Variants in SLC24A3 observed in about 807,000 individuals in gnomAD.
SLC24A3 encodes solute carrier family 24 member 3.
In SLC24A3, 28 loss-of-function variants were observed where a neutral mutation model predicts 75.8. That is an observed-to-expected ratio of 0.37 (90% CI 0.27 to 0.51). The LOEUF is 0.51. Among genes scored for constraint, SLC24A3 ranks in the 20% least tolerant of loss-of-function variants. The pLI is 0.94. For missense variants in SLC24A3, 663 were observed against 847.8 expected (o/e 0.78, Z 2.71); for synonymous variants, 372 against 334.1 (o/e 1.11, Z -1.24).
chr20:19,719,586 G>A (rs1221806977), intron 16 of SLC24A3, among the ~76,000 whole-genome samples: 1 of 152,140 alleles, frequency 6.6e-6, no homozygotes, highest in Non-Finnish European at 1.5e-5. Flanking sequence ...GAGGTGTGAA[G>A]TAGCCGTCTG....
At chr20:19,393,003 C>G (rs1986392313) in intron 2 of SLC24A3, among the ~76,000 whole-genome samples, 1 of 152,152 alleles carries the variant, frequency 6.6e-6, no homozygotes, top group South Asian at 2.1e-4. Flanking sequence ...TCTCTTATCT[C>G]TGATCACACC....
intron 1 of SLC24A3, among the ~76,000 whole-genome samples, chr20:19,250,738 C>T (rs1982629092): frequency 6.6e-6 from 1 of 152,168 alleles, no homozygotes; most frequent in East Asian, 1.9e-4. Context: ...AAATCCAAAA[C>T]ACTTTTTATA....
chr20:19,271,123 G>A (rs1273330427), intron 1 of SLC24A3, among the ~76,000 whole-genome samples: 2 of 152,128 alleles, frequency 1.3e-5, no homozygotes, highest in Non-Finnish European at 2.9e-5. Flanking sequence ...CCACATTTAC[G>A]TTATTTAGTA....
intron 3 of SLC24A3, among the ~76,000 whole-genome samples, chr20:19,569,694 A>G (rs911093111): frequency 1.3e-5 from 2 of 151,894 alleles, no homozygotes; most frequent in Non-Finnish European, 2.9e-5. Context: ...CTGGCTCTCC[A>G]GGGTCTGGCG....
intron 3 of SLC24A3, among the ~76,000 whole-genome samples, chr20:19,546,074 G>A (rs528633337): frequency 1.3e-5 from 2 of 149,180 alleles, no homozygotes; most frequent in South Asian, 2.1e-4. Context: ...TAGGAAAATG[G>A]CGTGAACCCG....
chr20:19,332,623 G>A (rs1985026432), intron 2 of SLC24A3, among the ~76,000 whole-genome samples: 1 of 152,116 alleles, frequency 6.6e-6, no homozygotes, highest in Admixed American at 6.5e-5. Flanking sequence ...CACTGGGGAA[G>A]AATAAATAGA....
rs116901610 is a variant in SLC24A3 at position 19,487,168 on chromosome 20, G to A, written c.272-28320G>A. On this transcript the variant is annotated intron_variant, in intron 2 of 16. Transcript: ENST00000328041. ...TGACTCTTCTTTAGCGTCTCCCATA[G>A]AGCTGAGTGCTCAGAACACAGGAGA... is the stretch of plus-strand genomic sequence containing the variant. Among the ~76,000 whole-genome samples, 133 of 152,300 alleles carry A rather than the reference G, an allele frequency of 8.7e-4. 1 individual carries two copies. In the East Asian group the frequency reaches 0.022, roughly 25 times the overall value.
Position 19,212,931 on chromosome 20 carries a change from TG to T in SLC24A3, c.91del (p.Ala31ProfsTer25). The part of the protein sequence containing the change: ...RDLLLSQLCF[L>X]ASVALLLWSL... The stretch of plus-strand genomic sequence containing the variant: ...CTTCTGCTGAGCCAGCTCTGCTTCC[TG>T]GCCTCGGTGGCGCTGCTGCTCTGGT... On this transcript the variant is annotated frameshift_variant, in exon 1 of 17. Coordinates refer to ENST00000328041, the MANE Select transcript of SLC24A3 (RefSeq NM_020689.4). LOFTEE classifies it high-confidence loss of function. 7.4e-7 allele frequency: 1 copy of T among 1,348,166 alleles called. No homozygotes were observed. Among genetic ancestry groups the T allele is most frequent in the Non-Finnish European group, 9.5e-7 (1 of 1,047,686 alleles). The allele number at this position is 1,348,166 out of a possible 1,614,324, so 83.5% of individuals were successfully genotyped here.
In SLC24A3 at chr20:19,276,124, C is replaced by T. The variant is rs530810354; in HGVS notation, c.143-4835C>T. Among the ~76,000 whole-genome samples the T allele has an allele frequency of 2.6e-5, 4 of 152,266 alleles. No homozygotes were observed. In the South Asian group the frequency reaches 6.2e-4, roughly 24 times the overall value. ...CAGGGAGGATAGCCAGTGTGGGCGC[C>T]TCTCCGTATCCCCTTCACCTTCCCA... On this transcript the variant is annotated intron_variant, in intron 1 of 16. Transcript: ENST00000328041.
chr20:19,235,583 T>A (rs1303601795), intron 1 of SLC24A3, among the ~76,000 whole-genome samples: 1 of 152,156 alleles, frequency 6.6e-6, no homozygotes. Context: ...TGGCTCCTCA[T>A]CTGGACTGTC....
intron 2 of SLC24A3, among the ~76,000 whole-genome samples, chr20:19,330,989 A>G (rs1429444238): frequency 6.6e-6 from 1 of 152,194 alleles, no homozygotes; most frequent in East Asian, 1.9e-4. Context: ...CTATTGAAGC[A>G]AGGGACTGTG....
At chr20:19,230,261 A>T (rs1057251888) in intron 1 of SLC24A3, among the ~76,000 whole-genome samples, 1 of 152,120 alleles carries the variant, frequency 6.6e-6, no homozygotes, top group Admixed American at 6.5e-5. Flanking sequence ...CTTATGCTGA[A>T]GGGGTGGTTG....
intron 1 of SLC24A3, among the ~76,000 whole-genome samples, chr20:19,275,511 G>A (rs984065551): frequency 3.9e-5 from 6 of 152,146 alleles, no homozygotes; most frequent in Non-Finnish European, 8.8e-5. Context: ...AAGCCCTGTG[G>A]GACAAGGTTC....
At chr20:19,556,132 T>C (rs939828161) in intron 3 of SLC24A3, among the ~76,000 whole-genome samples, 4 of 152,068 alleles carry the variant, frequency 2.6e-5, no homozygotes, top group African/African-American at 9.7e-5. Context: ...GGGTCTTCCC[T>C]CATGACCTAA....
chr20:19,432,275 TATA>T (rs1987117562), intron 2 of SLC24A3, among the ~76,000 whole-genome samples: 2 of 40,212 alleles, frequency 5.0e-5, no homozygotes, highest in African/African-American at 5.5e-4. Context: ...ATCTGTTTTA[TATA>T]TATATATATA....
intron 6 of SLC24A3, among the ~76,000 whole-genome samples, chr20:19,651,089 G>A (rs139934474): frequency 7.2e-5 from 11 of 152,100 alleles, no homozygotes; most frequent in African/African-American, 2.4e-4. Flanking sequence ...GATTCTGGTT[G>A]CTTGGTATTA....
intron 1 of SLC24A3, among the ~76,000 whole-genome samples, chr20:19,250,045 A>G (rs995730822): frequency 1.3e-5 from 2 of 152,096 alleles, no homozygotes; most frequent in East Asian, 1.9e-4. Flanking sequence ...GAGCATTCCA[A>G]GTGTACAGAG....
intron 2 of SLC24A3, among the ~76,000 whole-genome samples, chr20:19,315,467 G>A (rs983466914): frequency 1.3e-5 from 2 of 152,186 alleles, no homozygotes; most frequent in African/African-American, 4.8e-5. Flanking sequence ...CAAGATTTGT[G>A]CTGAAATCCT....
chr20:19,577,986 C>T (rs1038385875), intron 3 of SLC24A3, among the ~76,000 whole-genome samples: 7 of 152,092 alleles, frequency 4.6e-5, no homozygotes, highest in African/African-American at 1.4e-4. Flanking sequence ...TAGAATCTTA[C>T]GATCTTATGG....
Sources: allele counts gnomAD v4.1 joint callset (sites outside exome capture counted in the v4.1 genomes callset), GRCh38; gene constraint gnomAD v4.1.1; transcripts MANE v1.5; gene names NCBI Gene and HGNC (gene_info 2026-07-23, HGNC 2026-07-21).